The following ELF4 variants were observed in gnomAD, a reference collection of about 807,000 sequenced individuals.
ELF4 encodes E74 like ETS transcription factor 4, also known as ETS-related transcription factor Elf-4.
Under a neutral mutation model 31.7 loss-of-function variants are expected in ELF4, and 10 were observed. The ratio of observed to expected loss-of-function variants is 0.32; its 90% CI spans 0.19 to 0.54. The LOEUF (loss-of-function observed/expected upper bound fraction) is 0.54, where lower values mean the gene tolerates loss of function less well. Among genes scored for constraint, ELF4 ranks in the 20% least tolerant of loss-of-function variants. ELF4 has a pLI of 0.95. For missense variants in ELF4, 418 were observed against 522.0 expected (o/e 0.80, Z 1.94); for synonymous variants, 208 against 226.7 (o/e 0.92, Z 0.74).
intron 1 of ELF4, among the ~76,000 whole-genome samples, chrX:130,102,814 AAAAG>A (rs1261952866): frequency 9.6e-6 from 1 of 103,987 alleles, no homozygotes; most frequent in African/African-American, 3.5e-5. Flanking sequence ...AAGACCAAGA[AAAAG>A]AAAGAAAGAA....
At chrX:130,109,912 G>A (rs935726153) in intron 1 of ELF4, among the ~76,000 whole-genome samples, 11 of 112,844 alleles carry the variant, frequency 9.7e-5, no homozygotes, top group Non-Finnish European at 2.1e-4. Flanking sequence ...GCGTGTGTGC[G>A]TGTGACCCTA....
chrX:130,090,471 T>C (rs771390103), intron 1 of ELF4, among the ~76,000 whole-genome samples: 1 of 110,993 alleles, frequency 9.0e-6, no homozygotes, highest in Admixed American at 9.5e-5. Flanking sequence ...CTTCCCCACC[T>C]CCACCTCCGT....
rs1166362284 is a variant in ELF4 at position 130,065,950 on chromosome X, G to T, written c.*771C>A. 2.9e-5 allele frequency: 5 copies of T among 173,449 alleles called. No individual in the cohort carries two copies. The highest frequency in any genetic ancestry group is 5.5e-5 in the Non-Finnish European group (5 of 90,957). 14.3% of individuals were successfully genotyped at this position (173,449 alleles called of 1,213,427 possible). ...ACTCCAGGAAGAGTACCTTGGTCCA[G>T]CCAGTGAGGGCTGCTCCCAGAGCTG... On this transcript the variant is annotated 3_prime_UTR_variant, in exon 9 of 9. Coordinates refer to ENST00000308167, the MANE Select transcript of ELF4 (RefSeq NM_001421.4).
At chrX:130,082,584 G>A (rs188434502) in intron 1 of ELF4, among the ~76,000 whole-genome samples, 79 of 111,238 alleles carry the variant, frequency 7.1e-4, no homozygotes, top group African/African-American at 2.4e-3. Context: ...TGCCCTCAGC[G>A]CTCACGGTGT....
At chrX:130,092,697 G>T (rs891354343) in intron 1 of ELF4, among the ~76,000 whole-genome samples, 1 of 112,164 alleles carries the variant, frequency 8.9e-6, no homozygotes, top group Non-Finnish European at 1.9e-5. Flanking sequence ...GACTAGCCCA[G>T]GGTGGCTTCG....
chrX:130,067,468 C>T lies in ELF4; in HGVS notation c.1245G>A (p.Ser415=), dbSNP rs1301997304. ...GTGGGATCGTCTGCAGGGTCAGGGC[C>T]GAGCCCGACCCCACGGGGGCCACTC... is the stretch of plus-strand genomic sequence containing the variant. ...HLGVAPVGSG[S]ALTLQTIPLT... Residue 415 remains serine, a synonymous_variant, in exon 9 of 9, where the codon TCG becomes TCA. Transcript: ENST00000308167. The T allele has an allele frequency of 6.6e-6, 8 of 1,210,158 alleles. No individual in the cohort carries two copies. The highest frequency in any genetic ancestry group is 3.5e-5 in the African/African-American group (2 of 57,204).
At chrX:130,111,844 C>T (rs917772765), upstream of ELF4, among the ~76,000 whole-genome samples, 2 of 111,998 alleles carry the variant, frequency 1.8e-5, no homozygotes, top group African/African-American at 6.5e-5. Context: ...TCAATACCGC[C>T]GCCTACGTGG....
intron 1 of ELF4, among the ~76,000 whole-genome samples, chrX:130,102,853 T>TGAGAGAGA (rs748191970): frequency 3.4e-5 from 2 of 58,486 alleles, no homozygotes; most frequent in Non-Finnish European, 6.0e-5. Flanking sequence ...AAGATAAAGA[T>TGAGAGAGA]GAGAGAGAGA....
intron 1 of ELF4, among the ~76,000 whole-genome samples, chrX:130,096,098 C>A (rs1333633909): frequency 1.8e-5 from 2 of 111,799 alleles, no homozygotes; most frequent in African/African-American, 3.3e-5. Context: ...AAAATTGAGG[C>A]CCAAGGGTTG....
At chrX:130,068,803 C>T in intron 8 of ELF4, among the ~76,000 whole-genome samples, 1 of 112,418 alleles carries the variant, frequency 8.9e-6, no homozygotes. Context: ...CTCGTGTAAG[C>T]CCCCGGATGT....
chrX:130,068,706 TTC>T (rs1332241705), intron 8 of ELF4, among the ~76,000 whole-genome samples: 1 of 112,549 alleles, frequency 8.9e-6, no homozygotes, highest in Non-Finnish European at 1.9e-5. Flanking sequence ...CTCTAAAACA[TTC>T]TCTGTTGCTT....
intron 1 of ELF4, among the ~76,000 whole-genome samples, chrX:130,109,451 C>T (rs1933434084): frequency 8.9e-6 from 1 of 112,711 alleles, no homozygotes; most frequent in South Asian, 3.6e-4. Flanking sequence ...TATCACAGGC[C>T]GAGGGATGAG....
At chrX:130,097,133 T>TAAA (rs754452744) in intron 1 of ELF4, among the ~76,000 whole-genome samples, 882 of 74,373 alleles carry the variant, frequency 0.012, 24 homozygotes, top group African/African-American at 0.044. Context: ...CCATCTCTAT[T>TAAA]AAAAAAAAAA....
In ELF4 at chrX:130,067,196, C is replaced by G. The variant is rs746537090; in HGVS notation, c.1517G>C (p.Gly506Ala). The change falls in exon 9 of 9, where the codon GGG becomes GCG. Residue 506 changes from glycine to alanine, a missense_variant. This residue lies in a region of ELF4 where 260 missense variants were observed against 269.2 expected (regional missense o/e 0.97). Transcript: ENST00000308167. ...AGAGCTGGGCCCTGCTGGTCCAGCC[C>G]CTGTGACCGTGGGTGGCGCCGGGTT... ...PTNPAPPTVT[G>A]AGPAGPSSQP... The G allele has an allele frequency of 8.3e-7, 1 of 1,210,104 alleles. No individual in the cohort carries two copies. The highest frequency in any genetic ancestry group is 3.0e-5 in the East Asian group (1 of 33,825).
intron 1 of ELF4, among the ~76,000 whole-genome samples, chrX:130,096,290 C>A (rs1933149195): frequency 9.0e-6 from 1 of 111,246 alleles, no homozygotes; most frequent in Non-Finnish European, 1.9e-5. Flanking sequence ...TCAAGTTATT[C>A]TCATGCCTTA....
rs1446551660 is a variant in ELF4 at position 130,066,319 on chromosome X, G to A, written c.*402C>T. 2.2e-5 allele frequency: 5 copies of A among 226,386 alleles called. No individual in the cohort carries two copies. Among genetic ancestry groups the A allele is most frequent in the Non-Finnish European group, 4.0e-5 (5 of 125,129 alleles). 18.7% of individuals were successfully genotyped at this position (226,386 alleles called of 1,213,427 possible). A position where few individuals can be genotyped will look rare whatever the true frequency, so the allele number is the denominator to read the frequency against. On this transcript the variant is annotated 3_prime_UTR_variant, in exon 9 of 9. Transcript: ENST00000308167. ...GATACAGACCAACAAGTACACACAAGTACATACAGGGATATTCACATATAG... is the reference window on the plus strand; with the variant it reads ...GATACAGACCAACAAGTACACACAAATACATACAGGGATATTCACATATAG...
At chrX:130,103,162 T>C (rs1373342285) in intron 1 of ELF4, among the ~76,000 whole-genome samples, 1 of 111,798 alleles carries the variant, frequency 8.9e-6, no homozygotes, top group Non-Finnish European at 1.9e-5. Context: ...CTATGACCCA[T>C]AAAAAGAAAA....
rs771918357 is a variant in ELF4 at position 130,082,483 on chromosome X, C to A, written c.-209-944G>T. Among the ~76,000 whole-genome samples the A allele has an allele frequency of 1.0e-3, 112 of 112,178 alleles. No individual in the cohort carries two copies. The East Asian group carries it at 0.012, about 12-fold the overall frequency. ...CCGACTGGAGGAGGGGCAGGCGGAACCTTCCCCATCCTCTGGGGCTGGCTC... is the reference window on the plus strand; with the variant it reads ...CCGACTGGAGGAGGGGCAGGCGGAAACTTCCCCATCCTCTGGGGCTGGCTC... On this transcript the variant is annotated intron_variant, in intron 1 of 8. Coordinates refer to ENST00000308167, the MANE Select transcript of ELF4 (RefSeq NM_001421.4).
chrX:130,090,258 A>C (rs1314765889), intron 1 of ELF4, among the ~76,000 whole-genome samples: 2 of 110,598 alleles, frequency 1.8e-5, no homozygotes, highest in Non-Finnish European at 3.8e-5. Flanking sequence ...CTGTAGTCCC[A>C]GCTACTCAGG....
Sources: allele counts gnomAD v4.1 joint callset (sites outside exome capture counted in the v4.1 genomes callset), GRCh38; gene constraint gnomAD v4.1.1; regional missense constraint gnomAD v4.1.1; transcripts MANE v1.5; gene names NCBI Gene and HGNC (gene_info 2026-07-23, HGNC 2026-07-21).